The following RPS6KB1 variants were observed in gnomAD, a reference collection of about 807,000 sequenced individuals.
The protein encoded by RPS6KB1 is ribosomal protein S6 kinase beta-1.
Under a neutral mutation model 70.2 loss-of-function variants are expected in RPS6KB1, and 12 were observed. That is an observed-to-expected ratio of 0.17 (90% confidence interval 0.11 to 0.28). The LOEUF (loss-of-function observed/expected upper bound fraction) is 0.28. Among genes scored for constraint, RPS6KB1 ranks in the 10% least tolerant of loss-of-function variants. The pLI, the probability that RPS6KB1 is intolerant of heterozygous loss-of-function variation, is 1.00. For synonymous variants in RPS6KB1, 175 were observed against 211.2 expected (o/e 0.83, Z 1.49); for missense variants, 270 against 646.6 (o/e 0.42, Z 6.32).
chr17:59,893,139 C>T lies in RPS6KB1; in HGVS notation c.-46C>T, dbSNP rs762600323. ...CGCAGACGCACTGAGCCTAAGCAGCCGGTGATGGCGGCAGCGGCTGTGGTG... is the reference window on the plus strand; with the variant it reads ...CGCAGACGCACTGAGCCTAAGCAGCTGGTGATGGCGGCAGCGGCTGTGGTG... On this transcript the variant is annotated 5_prime_UTR_variant, in exon 1 of 15. Transcript: ENST00000225577. This position sits in a 1 kb window ranked among gnomAD's most constrained non-coding sequence, Gnocchi z 4.1. The T allele has an allele frequency of 1.9e-6, 3 of 1,594,470 alleles. No individual in the cohort carries two copies. The highest frequency in any genetic ancestry group is 3.6e-5 in the Admixed American group (2 of 56,064).
Position 59,893,395 on chromosome 17 carries a change from G to C in RPS6KB1, c.141+70G>C. On this transcript the variant is annotated intron_variant, in intron 1 of 14. Transcript: ENST00000225577. The surrounding 1 kb of genome is among the most constrained non-coding windows in gnomAD (Gnocchi z 4.1). ...CGGCGGCGCGGGCTCAGGAAGCGCG[G>C]TGTGTCCTAGAGCGTGGAGACCCAG... The C allele has an allele frequency of 6.7e-7, 1 of 1,485,416 alleles. No individual in the cohort carries two copies. Among genetic ancestry groups the C allele is most frequent in the Non-Finnish European group, 9.2e-7 (1 of 1,089,792 alleles). The allele number at this position is 1,485,416 out of a possible 1,614,324, so 92.0% of individuals were successfully genotyped here.
chr17:59,931,811 C>A (rs1038982114), intron 7 of RPS6KB1, 89 bp downstream of exon 7: 27 of 791,918 alleles, frequency 3.4e-5, no homozygotes, highest in Non-Finnish European at 5.4e-5. Context: ...GCCCCAAATT[C>A]ATCTCTCTAT....
At chr17:59,897,454 G>A (rs1598625275) in intron 1 of RPS6KB1, among the ~76,000 whole-genome samples, 2 of 152,108 alleles carry the variant, frequency 1.3e-5, no homozygotes, top group South Asian at 4.1e-4. Flanking sequence ...AGTTAAACTC[G>A]AGGTGCTGTA....
intron 5 of RPS6KB1, among the ~76,000 whole-genome samples, chr17:59,929,157 A>T: frequency 6.6e-6 from 1 of 150,604 alleles, no homozygotes; most frequent in East Asian, 1.9e-4. Context: ...TTGAGACGGA[A>T]TCTCACTCTG....
At chr17:59,903,528 G>C (rs1029837366) in intron 1 of RPS6KB1, among the ~76,000 whole-genome samples, 1 of 152,102 alleles carries the variant, frequency 6.6e-6, no homozygotes, top group African/African-American at 2.4e-5. Context: ...CCAGATCTTT[G>C]TGGAGCATAT....
chr17:59,928,737 A>G (rs1308845522), intron 5 of RPS6KB1, among the ~76,000 whole-genome samples: 1 of 152,232 alleles, frequency 6.6e-6, no homozygotes, highest in African/African-American at 2.4e-5. Flanking sequence ...CATTGATGCA[A>G]TTATAACTCT....
chr17:59,923,161 CTTTTT>C (rs76413553), intron 4 of RPS6KB1, among the ~76,000 whole-genome samples: 11 of 139,512 alleles, frequency 7.9e-5, no homozygotes, highest in Non-Finnish European at 1.3e-4. Context: ...CGCACCTGGT[CTTTTT>C]TTTTTTTTGT....
intron 1 of RPS6KB1, chr17:59,894,005 G>C (rs2041334032): frequency 6.8e-6 from 6 of 883,358 alleles, no homozygotes; most frequent in South Asian, 5.2e-5. Context: ...CACGGCACTT[G>C]TAACCTTTCC....
chr17:59,903,109 C>T (rs1483907668), intron 1 of RPS6KB1, among the ~76,000 whole-genome samples: 1 of 151,940 alleles, frequency 6.6e-6, no homozygotes, highest in Admixed American at 6.6e-5. Flanking sequence ...AGTTTAAGAC[C>T]AGTCTGGCCA....
intron 2 of RPS6KB1, 78 bp from the exon 3 acceptor site, chr17:59,912,606 G>A: frequency 2.8e-6 from 4 of 1,432,220 alleles, no homozygotes; most frequent in Non-Finnish European, 2.9e-6. Flanking sequence ...ACATTTCTCT[G>A]TCTCCTTTTT....
In RPS6KB1 at chr17:59,908,273, A is replaced by G. The variant is rs548961008; in HGVS notation, c.142-2289A>G. On this transcript the variant is annotated intron_variant, in intron 1 of 14. Transcript: ENST00000225577. The stretch of plus-strand genomic sequence containing the variant: ...AGTGGCGAGATCTCGGCTCACTGCA[A>G]CCTTTGCCTCCCGTATCCAAGAGAT... 6.6e-4 allele frequency among the ~76,000 whole-genome samples: 100 copies of G among 151,638 alleles called. 1 individual carries two copies. Among genetic ancestry groups the G allele is most frequent in the African/African-American group, 2.3e-3 (97 of 41,326 alleles).
chr17:59,894,335 A>G (rs879782122), intron 1 of RPS6KB1, among the ~76,000 whole-genome samples: 1 of 152,178 alleles, frequency 6.6e-6, no homozygotes, highest in Non-Finnish European at 1.5e-5. Flanking sequence ...ATGTTGTCAT[A>G]CTAAATCACT....
At chr17:59,935,050 C>T (rs1056623116) in intron 9 of RPS6KB1, 143 bp from the exon 10 acceptor site, 25 of 574,128 alleles carry the variant, frequency 4.4e-5, no homozygotes, top group African/African-American at 4.0e-4. Flanking sequence ...AGGTCTTTAG[C>T]AGTTAGCCCA....
At chr17:59,910,997 A>G (rs1461753020) in intron 2 of RPS6KB1, among the ~76,000 whole-genome samples, 1 of 152,176 alleles carries the variant, frequency 6.6e-6, no homozygotes, top group African/African-American at 2.4e-5. Flanking sequence ...AATTCATGCA[A>G]TCCGGCTGGG....
At chr17:59,944,791 C>CTT (rs3066277) in intron 13 of RPS6KB1, among the ~76,000 whole-genome samples, 17,512 of 134,302 alleles carry the variant, frequency 0.13, 1,211 homozygotes, top group Middle Eastern at 0.17. Flanking sequence ...TATTTAACAT[C>CTT]TTTTTTTTTT....
In RPS6KB1 at chr17:59,945,624, C is replaced by T. The variant is rs1211218554; in HGVS notation, c.1340+106C>T. ...TATATAAATGAAAGACTGTCATACTCTCTTTGGTTGACATAAGCACAGCAT... is the reference window on the plus strand; with the variant it reads ...TATATAAATGAAAGACTGTCATACTTTCTTTGGTTGACATAAGCACAGCAT... On this transcript the variant is annotated intron_variant, in intron 14 of 14. Coordinates refer to ENST00000225577, the MANE Select transcript of RPS6KB1 (RefSeq NM_003161.4). 13 of 657,492 alleles carry T rather than the reference C, an allele frequency of 2.0e-5. No individual in the cohort carries two copies. The East Asian group carries it at 3.6e-4, about 18-fold the overall frequency. 40.7% of individuals were successfully genotyped at this position (657,492 alleles called of 1,614,324 possible). A position where few individuals can be genotyped will look rare whatever the true frequency, so the allele number is the denominator to read the frequency against.
intron 1 of RPS6KB1, among the ~76,000 whole-genome samples, chr17:59,895,016 G>T (rs569612852): frequency 6.9e-6 from 1 of 144,784 alleles, no homozygotes; most frequent in Non-Finnish European, 1.5e-5. Flanking sequence ...CTTTCTTTCT[G>T]GTTTTTTTGT....
intron 4 of RPS6KB1, among the ~76,000 whole-genome samples, chr17:59,915,647 G>A (rs916686379): frequency 6.9e-5 from 10 of 144,128 alleles, no homozygotes; most frequent in Admixed American, 1.4e-4. Flanking sequence ...TGGATTTTTA[G>A]TGTAGACGGG....
At position 59,950,306 on chromosome 17, in the gene RPS6KB1, A is replaced by T. The variant is rs1327988847; in HGVS notation, c.*3518A>T. ...AATAAAATTCTTCAGCTGCCTTATTAGGAGTGCTATGAGGGTAACACCTGT... is the reference window on the plus strand; with the variant it reads ...AATAAAATTCTTCAGCTGCCTTATTTGGAGTGCTATGAGGGTAACACCTGT... On this transcript the variant is annotated 3_prime_UTR_variant, in exon 15 of 15. Transcript: ENST00000225577. The T allele has an allele frequency of 6.6e-6, 1 of 152,556 alleles. No individual in the cohort carries two copies. The highest frequency in any genetic ancestry group is 1.5e-5 in the Non-Finnish European group (1 of 67,954). The allele number at this position is 152,556 out of a possible 1,614,324, so 9.5% of individuals were successfully genotyped here. A position where few individuals can be genotyped will look rare whatever the true frequency, so the allele number is the denominator to read the frequency against.
Sources: allele counts gnomAD v4.1 joint callset (sites outside exome capture counted in the v4.1 genomes callset), GRCh38; gene constraint gnomAD v4.1.1; non-coding constraint Gnocchi (gnomAD v3.1); transcripts MANE v1.5; gene names NCBI Gene and HGNC (gene_info 2026-07-23, HGNC 2026-07-21).